Variants in PFDN1 observed in about 807,000 individuals in gnomAD.
PFDN1 encodes the protein prefoldin subunit 1, also known as prefoldin 1.
PFDN1 carries 6 observed loss-of-function variants against 17.3 expected under a neutral mutation model. That is an observed-to-expected ratio of 0.35 (90% CI 0.19 to 0.69). The LOEUF is 0.69. Ranked by LOEUF, PFDN1 falls within the 30% of genes least tolerant of loss-of-function variation. The pLI is 0.65. For synonymous variants in PFDN1, 58 were observed against 50.1 expected (o/e 1.16, Z -0.67); for missense variants, 113 against 146.2 (o/e 0.77, Z 1.17).
At position 140,278,579 on chromosome 5, in the gene PFDN1, A is replaced by C. The variant is rs961770101; in HGVS notation, c.285+2870T>G. On this transcript the variant is annotated intron_variant, in intron 3 of 3. Coordinates refer to ENST00000261813, the MANE Select transcript of PFDN1 (RefSeq NM_002622.5). ...TCTCAAAAAAAAAAAAAAAAAAAAA[A>C]AAAAAAAACAAAAAACAAAACATAA... Among the ~76,000 whole-genome samples, 30 of 141,946 alleles carry C rather than the reference A, an allele frequency of 2.1e-4. 1 individual carries two copies. The highest frequency in any genetic ancestry group is 3.3e-4 in the Non-Finnish European group (21 of 64,446). 93.1% of individuals were successfully genotyped at this position (141,946 alleles called of 152,430 possible).
chr5:140,299,467 G>C (rs1465442481), intron 2 of PFDN1, among the ~76,000 whole-genome samples: 1 of 151,968 alleles, frequency 6.6e-6, no homozygotes, highest in Non-Finnish European at 1.5e-5. Flanking sequence ...GGGCATGGTA[G>C]CATGCGCCTG....
intron 3 of PFDN1, among the ~76,000 whole-genome samples, chr5:140,248,544 A>G (rs765544254): frequency 2.6e-5 from 4 of 152,246 alleles, no homozygotes; most frequent in Non-Finnish European, 5.9e-5. Context: ...GGAAAGGCGA[A>G]TGGAATAAGC....
chr5:140,270,022 A>T lies in PFDN1; in HGVS notation c.285+11427T>A, dbSNP rs541685408. Among the ~76,000 whole-genome samples the T allele has an allele frequency of 2.0e-5, 3 of 152,324 alleles. No homozygotes were observed. The South Asian group carries it at 6.2e-4, about 32-fold the overall frequency. On this transcript the variant is annotated intron_variant, in intron 3 of 3. Transcript: ENST00000261813. ...TGATGTGTAGCATGCTTATTAATAA[A>T]GGTGTGGCCTTCCCCACATGAAGTA...
chr5:140,277,388 T>C (rs1765312526), intron 3 of PFDN1, among the ~76,000 whole-genome samples: 1 of 152,104 alleles, frequency 6.6e-6, no homozygotes, highest in African/African-American at 2.4e-5. Context: ...AATCAGTTAA[T>C]ATCCTACTGC....
At chr5:140,277,293 T>C (rs1207248775) in intron 3 of PFDN1, among the ~76,000 whole-genome samples, 2 of 151,824 alleles carry the variant, frequency 1.3e-5, no homozygotes, top group Non-Finnish European at 2.9e-5. Flanking sequence ...GAGAGTAATA[T>C]GATCAGATTT....
intron 3 of PFDN1, among the ~76,000 whole-genome samples, chr5:140,270,274 C>T (rs1297536329): frequency 6.6e-6 from 1 of 152,076 alleles, no homozygotes; most frequent in East Asian, 1.9e-4. Flanking sequence ...AGACTAAGGA[C>T]ATATGGTTAG....
intron 3 of PFDN1, among the ~76,000 whole-genome samples, chr5:140,247,862 G>A (rs565930912): frequency 5.3e-5 from 8 of 152,044 alleles, no homozygotes; most frequent in African/African-American, 1.7e-4. Context: ...CCCAGGAGGC[G>A]GAGGCTGCAG....
At chr5:140,272,349 T>C (rs1765218789) in intron 3 of PFDN1, among the ~76,000 whole-genome samples, 1 of 138,138 alleles carries the variant, frequency 7.2e-6, no homozygotes, top group Non-Finnish European at 1.5e-5. Context: ...GATACATCCA[T>C]AGGTGGTAAA....
intron 2 of PFDN1, among the ~76,000 whole-genome samples, chr5:140,299,995 TAGCGAAA>T (rs781594941): frequency 3.0e-4 from 46 of 152,072 alleles, no homozygotes; most frequent in Non-Finnish European, 5.7e-4. Flanking sequence ...CTGGGCGATA[TAGCGAAA>T]ACTCCGTCTC....
chr5:140,294,728 C>T (rs1581099008), intron 2 of PFDN1, among the ~76,000 whole-genome samples: 1 of 152,002 alleles, frequency 6.6e-6, no homozygotes, highest in Admixed American at 6.6e-5. Flanking sequence ...CAGGAATACA[C>T]CTACTGTTTC....
chr5:140,261,161 C>CAAAA (rs773165928), intron 3 of PFDN1, among the ~76,000 whole-genome samples: 42 of 47,350 alleles, frequency 8.9e-4, no homozygotes, highest in East Asian at 1.3e-3. Context: ...GACTCCATCT[C>CAAAA]AAAAAAAAAA....
intron 2 of PFDN1, among the ~76,000 whole-genome samples, chr5:140,296,839 G>A (rs1384187970): frequency 6.6e-6 from 1 of 152,190 alleles, no homozygotes; most frequent in Non-Finnish European, 1.5e-5. Flanking sequence ...GTAGGTCCAT[G>A]AGATGAAATA....
intron 3 of PFDN1, among the ~76,000 whole-genome samples, chr5:140,280,680 G>A (rs1169148116): frequency 6.6e-6 from 1 of 152,140 alleles, no homozygotes; most frequent in East Asian, 1.9e-4. Context: ...ACAGAAATTA[G>A]ATGAAATGAC....
At chr5:140,251,060 G>C (rs192613517) in intron 3 of PFDN1, among the ~76,000 whole-genome samples, 1 of 151,924 alleles carries the variant, frequency 6.6e-6, no homozygotes, top group African/African-American at 2.4e-5. Context: ...TCAGCCTCCC[G>C]AGTAGCTGAG....
chr5:140,248,871 G>A (rs1201578651), intron 3 of PFDN1, among the ~76,000 whole-genome samples: 1 of 152,108 alleles, frequency 6.6e-6, no homozygotes, highest in Non-Finnish European at 1.5e-5. Flanking sequence ...CTAGAAATGG[G>A]GTCTTGTTAT....
chr5:140,256,103 CTCTT>C (rs1317364410), intron 3 of PFDN1, among the ~76,000 whole-genome samples: 1 of 152,210 alleles, frequency 6.6e-6, no homozygotes, highest in East Asian at 1.9e-4. Flanking sequence ...TAACTGGCTA[CTCTT>C]TCTAAGTTCT....
intron 2 of PFDN1, among the ~76,000 whole-genome samples, chr5:140,286,884 TAG>T (rs1382841702): frequency 6.6e-6 from 1 of 151,980 alleles, no homozygotes; most frequent in Non-Finnish European, 1.5e-5. Context: ...GGATTATATA[TAG>T]GAGTGAGCCA....
chr5:140,280,463 A>G (rs960650407), intron 3 of PFDN1, among the ~76,000 whole-genome samples: 12 of 152,200 alleles, frequency 7.9e-5, no homozygotes, highest in African/African-American at 2.4e-4. Flanking sequence ...TGTTTTTACA[A>G]TACACTTTTC....
intron 3 of PFDN1, among the ~76,000 whole-genome samples, chr5:140,255,971 C>T (rs1053320255): frequency 9.2e-5 from 14 of 152,110 alleles, no homozygotes; most frequent in Non-Finnish European, 5.9e-5. Context: ...GATTCAAGTC[C>T]AATGATCTCT....
Sources: allele counts gnomAD v4.1 joint callset (sites outside exome capture counted in the v4.1 genomes callset), GRCh38; gene constraint gnomAD v4.1.1; transcripts MANE v1.5; gene names NCBI Gene and HGNC (gene_info 2026-07-23, HGNC 2026-07-21).